Variants in NEIL2 observed in about 807,000 individuals in gnomAD.
The protein encoded by NEIL2 is nei like DNA glycosylase 2.
Under a neutral mutation model 22.2 loss-of-function variants are expected in NEIL2, and 23 were observed. The ratio of observed to expected loss-of-function variants is 1.04; its 90% CI spans 0.75 to 1.47. The LOEUF (loss-of-function observed/expected upper bound fraction) is 1.47. NEIL2 is among the 40% of genes most tolerant of loss of function. NEIL2 has a pLI of 0.00. For missense variants in NEIL2, 583 were observed against 404.7 expected (o/e 1.44, Z -3.78); for synonymous variants, 229 against 164.8 (o/e 1.39, Z -2.99).
At chr8:11,773,717 G>C (rs1194020222) in intron 2 of NEIL2, among the ~76,000 whole-genome samples, 1 of 152,142 alleles carries the variant, frequency 6.6e-6, no homozygotes, top group East Asian at 1.9e-4. Flanking sequence ...GCAGGAGGGA[G>C]CTTGGCTGCA....
intron 2 of NEIL2, among the ~76,000 whole-genome samples, chr8:11,778,573 C>T (rs1395469562): frequency 6.6e-6 from 1 of 152,038 alleles, no homozygotes; most frequent in Non-Finnish European, 1.5e-5. Flanking sequence ...TGAAAGACTG[C>T]CTGAATTTCA....
chr8:11,781,585 C>G (rs533951188), intron 3 of NEIL2, among the ~76,000 whole-genome samples: 2 of 152,258 alleles, frequency 1.3e-5, no homozygotes, highest in South Asian at 4.2e-4. Context: ...GAGGCTCACC[C>G]CTAGGTTTTC....
intron 2 of NEIL2, among the ~76,000 whole-genome samples, chr8:11,776,729 A>G (rs1803934356): frequency 6.6e-6 from 1 of 152,108 alleles, no homozygotes; most frequent in Admixed American, 6.5e-5. Flanking sequence ...TCTCCAGGTC[A>G]CCTGGGGTCA....
At chr8:11,776,809 C>T (rs926095389) in intron 2 of NEIL2, among the ~76,000 whole-genome samples, 2 of 152,188 alleles carry the variant, frequency 1.3e-5, no homozygotes, top group Admixed American at 6.5e-5. Context: ...TCTCTGCTCT[C>T]CCTCATCAGT....
At chr8:11,771,361 G>A (rs976908871) in intron 1 of NEIL2, 85 bp from the exon 2 acceptor site, 2 of 1,556,930 alleles carry the variant, frequency 1.3e-6, no homozygotes, top group African/African-American at 1.4e-5. Flanking sequence ...AAAAATGGCG[G>A]CATGGAGGAT....
At chr8:11,783,152 T>C (rs1804586527) in intron 3 of NEIL2, 51 bp from the exon 4 acceptor site, 3 of 1,532,182 alleles carry the variant, frequency 2.0e-6, no homozygotes, top group Non-Finnish European at 2.7e-6. Flanking sequence ...GGGTGTGCTC[T>C]GACTATACTG....
intron 2 of NEIL2, among the ~76,000 whole-genome samples, chr8:11,779,088 T>G (rs577396316): frequency 2.0e-5 from 3 of 152,178 alleles, no homozygotes; most frequent in African/African-American, 7.2e-5. Flanking sequence ...GATTCACTGA[T>G]CAATTTTTGT....
chr8:11,779,461 C>G, intron 2 of NEIL2, 137 bp from the exon 3 acceptor site: 1 of 764,008 alleles, frequency 1.3e-6, no homozygotes, highest in South Asian at 1.5e-5. Context: ...GAGCAAAAGG[C>G]AGAGTCCAAA....
rs1485686288 is a variant in NEIL2, at chr8:11,786,722, C to A, written c.*449C>A. 1.4e-5 allele frequency: 3 copies of A among 213,982 alleles called. No homozygotes were observed. Among genetic ancestry groups the A allele is most frequent in the Non-Finnish European group, 2.8e-5 (3 of 106,062 alleles). 13.3% of individuals were successfully genotyped at this position (213,982 alleles called of 1,614,324 possible). ...TGGTGTGATCTTGGCTCACGGCAGC[C>A]TTGCCCTCCCTGGCTCAAGCAGTCT... On this transcript the variant is annotated 3_prime_UTR_variant, in exon 5 of 5. Coordinates refer to ENST00000284503, the MANE Select transcript of NEIL2 (RefSeq NM_145043.4).
chr8:11,775,195 C>T (rs912608914), intron 2 of NEIL2, among the ~76,000 whole-genome samples: 9 of 152,370 alleles, frequency 5.9e-5, no homozygotes, highest in African/African-American at 1.2e-4. Context: ...CTGGACATCC[C>T]GTTGTTTCTA....
rs953887619 is a variant in NEIL2, at chr8:11,783,138, C to T, written c.492-65C>T. 41 of 1,443,390 alleles carry T rather than the reference C, an allele frequency of 2.8e-5. 1 individual carries two copies. Among genetic ancestry groups the T allele is most frequent in the Non-Finnish European group, 3.7e-5 (38 of 1,024,882 alleles). The allele number at this position is 1,443,390 out of a possible 1,614,324, so 89.4% of individuals were successfully genotyped here. Reference sequence around the variant, plus strand: ...TGTGTGTATGTGTGTATGACCCAGCCACAGGGTGTGCTCTGACTATACTGT... The same window carrying T: ...TGTGTGTATGTGTGTATGACCCAGCTACAGGGTGTGCTCTGACTATACTGT... On this transcript the variant is annotated intron_variant, in intron 3 of 4. Transcript: ENST00000284503.
At chr8:11,771,625 A>G in intron 2 of NEIL2, 40 bp downstream of exon 2, 1 of 1,591,102 alleles carries the variant, frequency 6.3e-7, no homozygotes, top group Non-Finnish European at 8.6e-7. Flanking sequence ...TCTGTCGCCC[A>G]TCCTGCGCCT....
intron 4 of NEIL2, among the ~76,000 whole-genome samples, chr8:11,785,492 T>A (rs1312479684): frequency 6.6e-6 from 1 of 152,198 alleles, no homozygotes. Flanking sequence ...CAGGCCAACA[T>A]TTTAAATAAT....
rs1585797066 is a variant in NEIL2, at chr8:11,786,665, A to C, written c.*392A>C. 2 of 260,738 alleles carry C rather than the reference A, an allele frequency of 7.7e-6. No homozygotes were observed. Among genetic ancestry groups the C allele is most frequent in the South Asian group, 7.3e-5 (2 of 27,494 alleles). The allele number at this position is 260,738 out of a possible 1,614,324, so 16.2% of individuals were successfully genotyped here. A position where few individuals can be genotyped will look rare whatever the true frequency, so the allele number is the denominator to read the frequency against. On this transcript the variant is annotated 3_prime_UTR_variant, in exon 5 of 5. Transcript: ENST00000284503. ...TTTTTGGTTGTTTGTTTTGAGAGAGAGTCTTGCTCTGTCTCCCTGGCTAGG... is the reference window on the plus strand; with the variant it reads ...TTTTTGGTTGTTTGTTTTGAGAGAGCGTCTTGCTCTGTCTCCCTGGCTAGG...
chr8:11,779,814 G>C lies in NEIL2; in HGVS notation c.355G>C (p.Glu119Gln), dbSNP rs367705147. ...PQGEDDSEYL[E>Q]RDAPAGDAGR... Reference sequence around the variant, plus strand: ...GGGCGAGGATGATTCTGAGTATTTGGAGAGAGACGCCCCTGCAGGAGATGC... The same window carrying C: ...GGGCGAGGATGATTCTGAGTATTTGCAGAGAGACGCCCCTGCAGGAGATGC... The change falls in exon 3 of 5, where the codon GAG becomes CAG. Residue 119 changes from glutamate to glutamine, a missense_variant. Coordinates refer to ENST00000284503, the MANE Select transcript of NEIL2 (RefSeq NM_145043.4). The C allele has an allele frequency of 3.7e-6, 6 of 1,614,100 alleles. No individual in the cohort carries two copies. The highest frequency in any genetic ancestry group is 1.6e-4 in the Middle Eastern group (1 of 6,084).
chr8:11,771,402 A>C lies in NEIL2; in HGVS notation c.-2-44A>C. On this transcript the variant is annotated intron_variant, in intron 1 of 4. Coordinates refer to ENST00000284503, the MANE Select transcript of NEIL2 (RefSeq NM_145043.4). Reference sequence around the variant, plus strand: ...GCACCTGTTAAAGATGCTAGAGATAAATGAGCTAAGTCGGTGGCCTCTTTT... The same window carrying C: ...GCACCTGTTAAAGATGCTAGAGATACATGAGCTAAGTCGGTGGCCTCTTTT... 3 of 1,611,868 alleles carry C rather than the reference A, an allele frequency of 1.9e-6. No homozygotes were observed. The East Asian group carries it at 6.7e-5, about 36-fold the overall frequency.
At chr8:11,773,888 A>G (rs1456249677) in intron 2 of NEIL2, among the ~76,000 whole-genome samples, 1 of 152,134 alleles carries the variant, frequency 6.6e-6, no homozygotes, top group Admixed American at 6.5e-5. Context: ...GTGGTATAGG[A>G]GCAACATTGG....
chr8:11,783,055 G>A, intron 3 of NEIL2, 148 bp from the exon 4 acceptor site: 1 of 738,936 alleles, frequency 1.4e-6, no homozygotes, highest in Non-Finnish European at 2.5e-6. Flanking sequence ...GGGGATGTCT[G>A]TATGTGTGTA....
chr8:11,785,889 T>C lies in NEIL2; in HGVS notation c.689-74T>C. 2.9e-6 allele frequency: 4 copies of C among 1,381,646 alleles called. No homozygotes were observed. The South Asian group carries it at 4.6e-5, about 16-fold the overall frequency. 85.6% of individuals were successfully genotyped at this position (1,381,646 alleles called of 1,614,324 possible). A position where few individuals can be genotyped will look rare whatever the true frequency, so the allele number is the denominator to read the frequency against. ...GACATGGAAGAGCTGATTTCTGCCT[T>C]GTTAACTTTGTGGGTGGTTTCATCA... On this transcript the variant is annotated intron_variant, in intron 4 of 4. Coordinates refer to ENST00000284503, the MANE Select transcript of NEIL2 (RefSeq NM_145043.4).
Sources: allele counts gnomAD v4.1 joint callset (sites outside exome capture counted in the v4.1 genomes callset), GRCh38; gene constraint gnomAD v4.1.1; transcripts MANE v1.5; gene names NCBI Gene and HGNC (gene_info 2026-07-23, HGNC 2026-07-21).